The following DNAH6 variants were observed in gnomAD, a reference collection of about 807,000 sequenced individuals.
DNAH6 encodes axonemal beta dynein heavy chain 6.
Under a neutral mutation model 491.4 loss-of-function variants are expected in DNAH6, and 340 were observed. That is an observed-to-expected ratio of 0.69 (90% CI 0.63 to 0.76). DNAH6 has a LOEUF of 0.76. Among genes scored for constraint, DNAH6 ranks in the 30% least tolerant of loss-of-function variants. DNAH6 has a pLI of 0.00. For synonymous variants in DNAH6, 1,603 were observed against 1,686.1 expected (o/e 0.95, Z 1.21); for missense variants, 4,443 against 4,972.2 (o/e 0.89, Z 3.20).
chr2:84,785,802 GA>G, intron 67 of DNAH6, 46 bp downstream of exon 67: 2 of 1,414,154 alleles, frequency 1.4e-6, no homozygotes, highest in Non-Finnish European at 1.9e-6. Context: ...AGTGTATTAT[GA>G]AATAAATAAA....
chr2:84,592,347 C>A (rs933732739), intron 16 of DNAH6, among the ~76,000 whole-genome samples: 4 of 151,878 alleles, frequency 2.6e-5, no homozygotes, highest in African/African-American at 9.7e-5. Flanking sequence ...TGAAAAGACA[C>A]CCAACATCAA....
intron 20 of DNAH6, among the ~76,000 whole-genome samples, chr2:84,606,068 G>A (rs1685730231): frequency 6.6e-6 from 1 of 152,194 alleles, no homozygotes; most frequent in Admixed American, 6.5e-5. Context: ...AGGAAACAAT[G>A]GCCACGCTCT....
chr2:84,785,877 CT>C (rs767995580), intron 67 of DNAH6, 121 bp downstream of exon 67: 17 of 1,058,278 alleles, frequency 1.6e-5, no homozygotes, highest in East Asian at 5.7e-5. Flanking sequence ...CATTCTGTGT[CT>C]GAACCCAAGT....
chr2:84,467,033 G>A, the DNAH6 span, among the ~76,000 whole-genome samples: 1 of 152,186 alleles, frequency 6.6e-6, no homozygotes, highest in Non-Finnish European at 1.5e-5. Context: ...TTTTGTTAAA[G>A]AGCAGATCAT....
intron 59 of DNAH6, among the ~76,000 whole-genome samples, chr2:84,721,464 TA>T (rs1268841355): frequency 2.0e-5 from 3 of 152,178 alleles, no homozygotes; most frequent in African/African-American, 7.2e-5. Flanking sequence ...TCTAGACTTA[TA>T]CTCTTTATTA....
chr2:84,553,366 TTTCTTTCTTTCTTTC>T (rs1373958154), intron 10 of DNAH6, among the ~76,000 whole-genome samples: 8 of 9,410 alleles, frequency 8.5e-4, no homozygotes, highest in African/African-American at 3.1e-3. Flanking sequence ...TTTCTTTTCT[TTTCTTTCTTTCTTTC>T]TTTCTTTCTT....
At chr2:84,707,994 AG>A (rs1696643756) in intron 54 of DNAH6, among the ~76,000 whole-genome samples, 3 of 152,208 alleles carry the variant, frequency 2.0e-5, no homozygotes, top group Admixed American at 2.0e-4. Context: ...AGAGACAGTG[AG>A]TCCCCTACCC....
At chr2:84,555,562 T>A (rs1027232932) in intron 10 of DNAH6, among the ~76,000 whole-genome samples, 3 of 152,228 alleles carry the variant, frequency 2.0e-5, no homozygotes, top group Non-Finnish European at 4.4e-5. Context: ...CATATATTTA[T>A]ATCTATATCT....
At chr2:84,803,570 T>A (rs1308414042) in intron 70 of DNAH6, among the ~76,000 whole-genome samples, 5 of 151,650 alleles carry the variant, frequency 3.3e-5, no homozygotes, top group Non-Finnish European at 7.4e-5. Context: ...AATAAAATGC[T>A]AAAAATCAAA....
At chr2:84,498,858 A>C in the DNAH6 span, among the ~76,000 whole-genome samples, 1 of 151,958 alleles carries the variant, frequency 6.6e-6, no homozygotes. Context: ...CTTATCTTTC[A>C]TCTTCCCAAT....
rs541517772 is a variant in DNAH6 at position 84,707,027 on chromosome 2, A to G, written c.8851+8A>G. Reference sequence around the variant, plus strand: ...ATGAAAAAGAAAGCCTGGGTAAGTAACTCATAAAATTTACATTGGCCAGGA... The same window carrying G: ...ATGAAAAAGAAAGCCTGGGTAAGTAGCTCATAAAATTTACATTGGCCAGGA... On this transcript the variant is annotated splice_region_variant and intron_variant, in intron 53 of 76. Transcript: ENST00000389394. 7.3e-6 allele frequency: 11 copies of G among 1,503,462 alleles called. No individual in the cohort carries two copies. The highest frequency in any genetic ancestry group is 1.3e-5 in the South Asian group (1 of 75,236). 93.1% of individuals were successfully genotyped at this position (1,503,462 alleles called of 1,614,324 possible). A position where few individuals can be genotyped will look rare whatever the true frequency, so the allele number is the denominator to read the frequency against.
the DNAH6 span, among the ~76,000 whole-genome samples, chr2:84,475,420 T>C: frequency 2.0e-5 from 3 of 152,214 alleles, no homozygotes; most frequent in African/African-American, 2.4e-5. Flanking sequence ...TGCCCAGTGA[T>C]GGCCTTTTTC....
chr2:84,704,071 G>A lies in DNAH6; in HGVS notation c.8234G>A (p.Arg2745His), dbSNP rs772664016. 4.1e-5 allele frequency: 64 copies of A among 1,551,316 alleles called. No individual in the cohort carries two copies. The highest frequency in any genetic ancestry group is 9.6e-5 in the African/African-American group (7 of 73,022). Residue 2745 changes from arginine (R) to histidine (H), a missense_variant, in exon 51 of 77, where the codon CGT (arginine) becomes CAT (histidine). Coordinates refer to ENST00000389394, the MANE Select transcript of DNAH6 (RefSeq NM_001370.2). Reference sequence around the variant, plus strand: ...CAGTCATGTTTCAATGGTTAGGTCCGTAACACTGTGCAGGAGGATGAAGCA... The same window carrying A: ...CAGTCATGTTTCAATGGTTAGGTCCATAACACTGTGCAGGAGGATGAAGCA... ...AVDQESADQV[R>H]NTVQEDEATA...
At chr2:84,540,584 A>G (rs553439572) in intron 4 of DNAH6, among the ~76,000 whole-genome samples, 159 of 152,306 alleles carry the variant, frequency 1.0e-3, no homozygotes, top group African/African-American at 3.6e-3. Context: ...GAGGGGTTCT[A>G]AGCCCCAAAG....
the DNAH6 span, among the ~76,000 whole-genome samples, chr2:84,508,170 G>A: frequency 6.6e-6 from 1 of 152,188 alleles, no homozygotes. Flanking sequence ...ACCTCTAGTA[G>A]AATTCGGCTG....
At chr2:84,628,481 A>G (rs888273044) in intron 29 of DNAH6, among the ~76,000 whole-genome samples, 5 of 152,156 alleles carry the variant, frequency 3.3e-5, no homozygotes, top group African/African-American at 1.2e-4. Flanking sequence ...CCCAAGACCT[A>G]GTTCCTGCTT....
intron 33 of DNAH6, among the ~76,000 whole-genome samples, chr2:84,649,963 T>G (rs1441926761): frequency 6.6e-6 from 1 of 152,178 alleles, no homozygotes; most frequent in Non-Finnish European, 1.5e-5. Context: ...GTTTTCCACT[T>G]CCTGTCAGCC....
At chr2:84,607,891 C>A (rs1367684817) in intron 21 of DNAH6, among the ~76,000 whole-genome samples, 1 of 152,096 alleles carries the variant, frequency 6.6e-6, no homozygotes, top group Non-Finnish European at 1.5e-5. Context: ...TAAAAAAAAT[C>A]TTTGTAGCAT....
rs1691241503 is a variant in DNAH6, at chr2:84,659,109, C to T, written c.6024C>T (p.Asn2008=). ...LWSLGGNLTE[N]YYDSFDTFIR... Reference sequence around the variant, plus strand: ...CTTTGGGTGGAAACCTAACTGAAAACTACTATGATTCTTTTGATACATTTA... The same window carrying T: ...CTTTGGGTGGAAACCTAACTGAAAATTACTATGATTCTTTTGATACATTTA... Residue 2008 remains asparagine (N), a synonymous_variant, in exon 37 of 77, where the codon AAC becomes AAT. Transcript: ENST00000389394. 1 of 1,518,414 alleles carries T rather than the reference C, an allele frequency of 6.6e-7. No homozygotes were observed. The highest frequency in any genetic ancestry group is 1.4e-5 in the African/African-American group (1 of 72,262). The allele number at this position is 1,518,414 out of a possible 1,614,324, so 94.1% of individuals were successfully genotyped here.
Sources: allele counts gnomAD v4.1 joint callset (sites outside exome capture counted in the v4.1 genomes callset), GRCh38; gene constraint gnomAD v4.1.1; transcripts MANE v1.5; gene names NCBI Gene and HGNC (gene_info 2026-07-23, HGNC 2026-07-21).